RAPGEF4: variants seen among roughly 807,000 people sequenced by gnomAD.
RAPGEF4 encodes Rap guanine nucleotide exchange factor 4.
RAPGEF4 carries 66 observed loss-of-function variants against 147.9 expected under a neutral mutation model. The observed-to-expected ratio is 0.45, with a 90% CI of 0.37 to 0.55. The LOEUF is 0.55. Among genes scored for constraint, RAPGEF4 ranks in the 20% least tolerant of loss-of-function variants. The pLI, the probability that RAPGEF4 is intolerant of heterozygous loss-of-function variation, is 0.00. For synonymous variants in RAPGEF4, 419 were observed against 442.7 expected (o/e 0.95, Z 0.67); for missense variants, 1,071 against 1,257.3 (o/e 0.85, Z 2.24).
At chr2:172,920,031 C>CA (rs1380031207) in intron 5 of RAPGEF4, among the ~76,000 whole-genome samples, 2 of 152,294 alleles carry the variant, frequency 1.3e-5, no homozygotes, top group South Asian at 4.1e-4. Flanking sequence ...TTCACTATCT[C>CA]ACCCTTGGTC....
chr2:173,045,893 G>T (rs557559011), intron 29 of RAPGEF4, among the ~76,000 whole-genome samples: 1 of 152,330 alleles, frequency 6.6e-6, no homozygotes, highest in African/African-American at 2.4e-5. Context: ...CAACTCAGGA[G>T]AGTGCCTTGT....
intron 4 of RAPGEF4, among the ~76,000 whole-genome samples, chr2:172,867,540 C>G (rs1198535969): frequency 6.6e-6 from 1 of 152,186 alleles, no homozygotes; most frequent in Non-Finnish European, 1.5e-5. Context: ...GAGAATACTC[C>G]TTTGCTTATC....
At chr2:172,837,920 C>T (rs1691142694) in intron 4 of RAPGEF4, among the ~76,000 whole-genome samples, 1 of 152,128 alleles carries the variant, frequency 6.6e-6, no homozygotes, top group Non-Finnish European at 1.5e-5. Flanking sequence ...TGTAGTATTC[C>T]ATTCTCACCA....
At chr2:172,843,169 A>T (rs1691807722) in intron 4 of RAPGEF4, among the ~76,000 whole-genome samples, 1 of 152,206 alleles carries the variant, frequency 6.6e-6, no homozygotes, top group African/African-American at 2.4e-5. Flanking sequence ...AAGGCCTTGC[A>T]TGGAGTACAA....
In RAPGEF4 at chr2:172,877,538, A is replaced by AG. The variant is rs532640134; in HGVS notation, c.445-40264_445-40263insG. 2.3e-3 allele frequency among the ~76,000 whole-genome samples: 353 copies of AG among 152,180 alleles called. 2 individuals are homozygous for AG. The highest frequency in any genetic ancestry group is 4.1e-3 in the East Asian group (21 of 5,180). ...TCAGAACTTAAAGTATAAAAAAAAAAAAAAGAAAAGAAATGAGTTTAAAGT... is the reference window on the plus strand; with the variant it reads ...TCAGAACTTAAAGTATAAAAAAAAAAGAAAAGAAAAGAAATGAGTTTAAAGT... On this transcript the variant is annotated intron_variant, in intron 4 of 30. Coordinates refer to ENST00000397081, the MANE Select transcript of RAPGEF4 (RefSeq NM_007023.4).
chr2:172,998,661 G>A (rs1693602732), intron 16 of RAPGEF4, among the ~76,000 whole-genome samples: 1 of 152,182 alleles, frequency 6.6e-6, no homozygotes, highest in Non-Finnish European at 1.5e-5. Context: ...TCCATATTTA[G>A]TATAGAGAAA....
chr2:172,829,512 C>T (rs554886568), intron 4 of RAPGEF4, among the ~76,000 whole-genome samples: 78 of 152,200 alleles, frequency 5.1e-4, no homozygotes, highest in Admixed American at 1.6e-3. Flanking sequence ...ATTTGCAAGG[C>T]GGGTCTCTGT....
chr2:172,953,793 C>G (rs973800965), intron 6 of RAPGEF4, among the ~76,000 whole-genome samples: 5 of 152,180 alleles, frequency 3.3e-5, no homozygotes, highest in Non-Finnish European at 7.3e-5. Flanking sequence ...AGATCTGTGT[C>G]TCCCATCCCA....
chr2:172,903,428 C>T (rs1311747011), intron 4 of RAPGEF4, among the ~76,000 whole-genome samples: 6 of 148,156 alleles, frequency 4.0e-5, no homozygotes, highest in African/African-American at 1.5e-4. Context: ...ATCCCAGCTA[C>T]TCAGAAGGCT....
At chr2:173,045,774 C>T (rs1404402680) in intron 29 of RAPGEF4, among the ~76,000 whole-genome samples, 1 of 152,146 alleles carries the variant, frequency 6.6e-6, no homozygotes, top group Non-Finnish European at 1.5e-5. Context: ...TTACTCATTG[C>T]TGGATGCATT....
At chr2:172,782,682 C>T (rs542471030) in intron 1 of RAPGEF4, among the ~76,000 whole-genome samples, 24 of 152,264 alleles carry the variant, frequency 1.6e-4, no homozygotes, top group Non-Finnish European at 2.5e-4. Flanking sequence ...GAAACCCATC[C>T]GGAAAGCATT....
chr2:172,807,711 C>T (rs1319051969), intron 3 of RAPGEF4, among the ~76,000 whole-genome samples: 1 of 152,174 alleles, frequency 6.6e-6, no homozygotes, highest in East Asian at 1.9e-4. Flanking sequence ...TTTATGTTCA[C>T]ACCTGTGAAT....
chr2:173,003,632 A>G (rs1191690246), intron 17 of RAPGEF4, among the ~76,000 whole-genome samples: 2 of 152,282 alleles, frequency 1.3e-5, no homozygotes, highest in African/African-American at 4.8e-5. Context: ...AAAAACAAAA[A>G]AGGAGTGGCT....
chr2:172,880,513 A>G (rs1696502111), intron 4 of RAPGEF4, among the ~76,000 whole-genome samples: 1 of 152,238 alleles, frequency 6.6e-6, no homozygotes, highest in East Asian at 1.9e-4. Context: ...TAAAGGATAA[A>G]AAGTCTAGAT....
intron 1 of RAPGEF4, among the ~76,000 whole-genome samples, chr2:172,760,423 TAA>T (rs1009407881): frequency 3.9e-5 from 6 of 152,202 alleles, no homozygotes; most frequent in African/African-American, 1.4e-4. Context: ...AACTGAAATT[TAA>T]AAGTGAATGG....
At chr2:172,906,738 A>G (rs1699669368) in intron 4 of RAPGEF4, among the ~76,000 whole-genome samples, 1 of 152,200 alleles carries the variant, frequency 6.6e-6, no homozygotes, top group Non-Finnish European at 1.5e-5. Flanking sequence ...ACAGAGTGCC[A>G]GGAAGGCCCT....
chr2:172,915,965 G>A (rs755220676), intron 4 of RAPGEF4, among the ~76,000 whole-genome samples: 14 of 152,134 alleles, frequency 9.2e-5, no homozygotes, highest in Non-Finnish European at 1.6e-4. Flanking sequence ...AAGTGCACAG[G>A]ACCTTGTTTA....
intron 1 of RAPGEF4, among the ~76,000 whole-genome samples, chr2:172,737,422 A>G (rs1420004668): frequency 2.7e-5 from 4 of 150,748 alleles, no homozygotes; most frequent in Admixed American, 6.7e-5. Flanking sequence ...CTTAACCTAT[A>G]AATAGTAGTG....
intron 1 of RAPGEF4, among the ~76,000 whole-genome samples, chr2:172,738,756 C>T (rs1574646244): frequency 6.6e-6 from 1 of 151,934 alleles, no homozygotes; most frequent in South Asian, 2.1e-4. Context: ...GGGAAAAGGA[C>T]GTAACTGGGA....
Sources: gnomAD v4.1 joint callset for allele counts (sites outside exome capture counted in the v4.1 genomes callset) on GRCh38, gnomAD v4.1.1 for gene constraint, MANE v1.5 for transcripts, NCBI Gene and HGNC (gene_info 2026-07-23, HGNC 2026-07-21) for gene names.